The following DNAH17 variants were observed in gnomAD, a reference collection of about 807,000 sequenced individuals.
DNAH17 encodes the protein dynein axonemal heavy chain 17.
DNAH17 carries 376 observed loss-of-function variants against 485.6 expected under a neutral mutation model. The observed-to-expected ratio is 0.77, with a 90% CI of 0.71 to 0.84. The LOEUF (loss-of-function observed/expected upper bound fraction) is 0.84. DNAH17 is among the 40% of genes least tolerant of loss of function. DNAH17 has a pLI of 0.00. For synonymous variants in DNAH17, 3,031 were observed against 2,405.9 expected (o/e 1.26, Z -7.60); for missense variants, 6,370 against 5,839.3 (o/e 1.09, Z -2.96).
chr17:78,513,266 A>G (rs1266595816), intron 26 of DNAH17, among the ~76,000 whole-genome samples: 1 of 152,192 alleles, frequency 6.6e-6, no homozygotes, highest in East Asian at 1.9e-4. Flanking sequence ...CTGACCAAAC[A>G]GAATGTTTGT....
chr17:78,568,631 G>A (rs1318562706), intron 9 of DNAH17, among the ~76,000 whole-genome samples: 5 of 152,102 alleles, frequency 3.3e-5, no homozygotes, highest in Admixed American at 3.3e-4. Flanking sequence ...TGTCGCTCAG[G>A]CTGGACTGCA....
intron 77 of DNAH17, among the ~76,000 whole-genome samples, chr17:78,427,682 G>C (rs936302006): frequency 4.6e-5 from 7 of 152,188 alleles, no homozygotes; most frequent in African/African-American, 1.4e-4. Context: ...ATTCTATTAA[G>C]AAGTACAGGC....
rs770124233 is a variant in DNAH17, at chr17:78,571,709, G to A, written c.613C>T (p.Arg205Trp). ...GCTGAGTCTTTGCTCAGCACATCCC[G>A]GATCTGGTGGGACCAGTCGATGATG... The part of the protein sequence containing the change: ...TTIIDWSHQI[R>W]DVLSKDSAQA... Residue 205 changes from arginine to tryptophan, a missense_variant, in exon 4 of 81, where the codon CGG becomes TGG. Transcript: ENST00000389840. 46 of 1,613,664 alleles carry A rather than the reference G, an allele frequency of 2.9e-5. No homozygotes were observed. The highest frequency in any genetic ancestry group is 1.6e-4 in the Middle Eastern group (1 of 6,082).
At position 78,437,692 on chromosome 17, in the gene DNAH17, G is replaced by A; in HGVS notation, c.11982C>T (p.Pro3994=). The change falls in exon 74 of 81, where the codon CCC becomes CCT. Residue 3994 remains proline, a synonymous_variant. Coordinates refer to ENST00000389840, the MANE Select transcript of DNAH17 (RefSeq NM_173628.4). ...LENAIKITNE[P]PTGMHANLHK... is the part of the protein sequence containing the mutation. Reference sequence around the variant, plus strand: ...GCAAGTTGGCGTGCATGCCCGTGGGGGGCTCGTTGGTGATCTTGATGGCGT... The same window carrying A: ...GCAAGTTGGCGTGCATGCCCGTGGGAGGCTCGTTGGTGATCTTGATGGCGT... 2 of 1,612,286 alleles carry A rather than the reference G, an allele frequency of 1.2e-6. No individual in the cohort carries two copies. Among genetic ancestry groups the A allele is most frequent in the Non-Finnish European group, 1.7e-6 (2 of 1,179,618 alleles).
At chr17:78,484,739 A>ACCCCCCATGCCCCCCCC in intron 48 of DNAH17, 129 bp downstream of exon 48, 1 of 347,796 alleles carries the variant, frequency 2.9e-6, no homozygotes, top group Non-Finnish European at 4.6e-6. Flanking sequence ...ACGTTGCAGC[A>ACCCCCCATGCCCCCCCC]CCCCCCCCAC....
At chr17:78,539,994 G>A (rs1330538698) in intron 17 of DNAH17, 114 bp from the exon 18 acceptor site, 3 of 1,107,782 alleles carry the variant, frequency 2.7e-6, no homozygotes, top group African/African-American at 3.2e-5. Flanking sequence ...CGGACACACG[G>A]GGCTGCTTTG....
At chr17:78,502,853 C>T (rs556187734) in intron 32 of DNAH17, 33 bp downstream of exon 32, 13 of 1,605,996 alleles carry the variant, frequency 8.1e-6, no homozygotes, top group South Asian at 3.3e-5. Flanking sequence ...ATCTCAGCCA[C>T]GAGGCGCCGC....
In DNAH17 at chr17:78,427,015, CGT is replaced by C; in HGVS notation, c.12680_12681del (p.Tyr4227CysfsTer9). 1 of 1,609,530 alleles carries C rather than the reference CGT, an allele frequency of 6.2e-7. No individual in the cohort carries two copies. Among genetic ancestry groups the C allele is most frequent in the Non-Finnish European group, 8.5e-7 (1 of 1,178,066 alleles). On this transcript the variant is annotated frameshift_variant, in exon 78 of 81. Transcript: ENST00000389840. LOFTEE classifies it high-confidence loss of function. ...TCACATTCTTGAAAGGCGACTACCACGTAGGGGGTCTTTTCCGCTGCCTTTGC... is the reference window on the plus strand; with the variant it reads ...TCACATTCTTGAAAGGCGACTACCACAGGGGGTCTTTTCCGCTGCCTTTGC... ...IMAKAAEKTP[Y>X]VVVAFQECER...
Position 78,525,859 on chromosome 17 carries a change from G to A in DNAH17, c.3712-698C>T, listed in dbSNP as rs116656093. Among the ~76,000 whole-genome samples the A allele has an allele frequency of 5.5e-3, 841 of 152,374 alleles. 6 individuals are homozygous for A. Among genetic ancestry groups the A allele is most frequent in the African/African-American group, 0.02 (813 of 41,598 alleles). On this transcript the variant is annotated intron_variant, in intron 24 of 80. Coordinates refer to ENST00000389840, the MANE Select transcript of DNAH17 (RefSeq NM_173628.4). ...GAATGCGACATGAGGAAACGGCCAT[G>A]AGGAAAGGTCGGATTGGAGCTGGAG...
chr17:78,450,568 GCACGTATGA>G, intron 67 of DNAH17, 105 bp downstream of exon 67: 1 of 1,435,810 alleles, frequency 7.0e-7, no homozygotes, highest in Non-Finnish European at 9.4e-7. Context: ...GCCCACTCGG[GCACGTATGA>G]CCGAAGCTGC....
chr17:78,569,081 G>C lies in DNAH17; in HGVS notation c.1284+85C>G, dbSNP rs546354435. On this transcript the variant is annotated intron_variant, in intron 9 of 80. Transcript: ENST00000389840. ...TTCTGCCTGGGGGATTATTGGCAAG[G>C]GGGGTAGGGATGGACGCTGCAGGTG... 4.0e-4 allele frequency: 426 copies of C among 1,057,822 alleles called. 9 individuals carry two copies. In the South Asian group the frequency reaches 5.3e-3, roughly 13 times the overall value. 65.5% of individuals were successfully genotyped at this position (1,057,822 alleles called of 1,614,324 possible). A position where few individuals can be genotyped will look rare whatever the true frequency, so the allele number is the denominator to read the frequency against.
chr17:78,440,957 G>A (rs2087051412), intron 72 of DNAH17, 94 bp downstream of exon 72: 7 of 1,440,878 alleles, frequency 4.9e-6, no homozygotes, highest in Non-Finnish European at 5.7e-6. Context: ...GGTGTGAAGT[G>A]GTGTCTCATG....
intron 5 of DNAH17, 67 bp from the exon 6 acceptor site, chr17:78,571,100 C>T (rs955641930): frequency 1.9e-5 from 27 of 1,434,468 alleles, no homozygotes; most frequent in Non-Finnish European, 2.4e-5. Context: ...GATGAGGGTG[C>T]GGCTCCATGT....
chr17:78,500,892 G>A, intron 35 of DNAH17: 1 of 286,252 alleles, frequency 3.5e-6, no homozygotes, highest in South Asian at 1.2e-4. Flanking sequence ...CCCACCTGTG[G>A]CATTCAGGGA....
chr17:78,485,032 C>A lies in DNAH17; in HGVS notation c.7485G>T (p.Gly2495=). Residue 2495 remains glycine (G), a splice_region_variant and synonymous_variant, in exon 48 of 81, where the codon GGG becomes GGT. Coordinates refer to ENST00000389840, the MANE Select transcript of DNAH17 (RefSeq NM_173628.4). ...NFYTTSAMLQ[G]VLEKPLEKKS... ...TCTTCTCCAGCGGCTTCTCCAGCAC[C>A]CCTAGAGAGGGCAGAGGGTCAGCTG... The A allele has an allele frequency of 6.2e-7, 1 of 1,605,754 alleles. No homozygotes were observed. The highest frequency in any genetic ancestry group is 8.5e-7 in the Non-Finnish European group (1 of 1,175,956).
chr17:78,510,917 G>A (rs1370906258), intron 26 of DNAH17, among the ~76,000 whole-genome samples: 1 of 152,228 alleles, frequency 6.6e-6, no homozygotes, highest in Non-Finnish European at 1.5e-5. Context: ...AGGGACATCT[G>A]AGGCACACAG....
At chr17:78,443,996 T>G (rs2087175297) in intron 71 of DNAH17, among the ~76,000 whole-genome samples, 1 of 152,198 alleles carries the variant, frequency 6.6e-6, no homozygotes, top group Non-Finnish European at 1.5e-5. Flanking sequence ...CCTCCTTCCT[T>G]CAACAGCCCA....
intron 42 of DNAH17, 79 bp downstream of exon 42, chr17:78,492,554 C>G: frequency 6.4e-7 from 1 of 1,566,680 alleles, no homozygotes; most frequent in South Asian, 1.2e-5. Flanking sequence ...TGGCCTTCCA[C>G]GTGGGAACGG....
chr17:78,501,215 G>C lies in DNAH17; in HGVS notation c.5452C>G (p.Pro1818Ala). 6.3e-7 allele frequency: 1 copy of C among 1,594,494 alleles called. No individual in the cohort carries two copies. Among genetic ancestry groups the C allele is most frequent in the Non-Finnish European group, 8.6e-7 (1 of 1,164,854 alleles). Residue 1818 changes from proline (P) to alanine (A), a missense_variant, in exon 35 of 81, where the codon CCG becomes GCG. By Grantham distance (27) the Pro-to-Ala change is conservative. Coordinates refer to ENST00000389840, the MANE Select transcript of DNAH17 (RefSeq NM_173628.4). Reference protein sequence around the residue: ...QYSYEYLGNTPRLVITPLTDR... With the variant: ...QYSYEYLGNTARLVITPLTDR... Reference sequence around the variant, plus strand: ...GTGAGTGGGGTGATGACCAGCCGCGGCGTGTTGCCCAGATACTCATAGGAA... The same window carrying C: ...GTGAGTGGGGTGATGACCAGCCGCGCCGTGTTGCCCAGATACTCATAGGAA...
Sources: allele counts gnomAD v4.1 joint callset (sites outside exome capture counted in the v4.1 genomes callset), GRCh38; gene constraint gnomAD v4.1.1; transcripts MANE v1.5; gene names NCBI Gene and HGNC (gene_info 2026-07-23, HGNC 2026-07-21).